The following WWC1 variants were observed in gnomAD, a reference collection of about 807,000 sequenced individuals.
The protein encoded by WWC1 is WW and C2 domain containing 1, also known as protein KIBRA.
In WWC1, 55 loss-of-function variants were observed where a neutral mutation model predicts 138.4. The ratio of observed to expected loss-of-function variants is 0.40; its 90% CI spans 0.32 to 0.50. The LOEUF is 0.50. Among genes scored for constraint, WWC1 ranks in the 20% least tolerant of loss-of-function variants. WWC1 has a pLI of 0.72. For synonymous variants in WWC1, 524 were observed against 564.9 expected, an observed-to-expected ratio of 0.93 and a Z score of 1.03; for missense variants, 1,226 against 1,420.4, an observed-to-expected ratio of 0.86 and a Z score of 2.20.
At chr5:168,435,850 T>C (rs1782308720) in intron 15 of WWC1, among the ~76,000 whole-genome samples, 1 of 151,262 alleles carries the variant, frequency 6.6e-6, no homozygotes, top group East Asian at 1.9e-4. Context: ...CTTTCTTTTT[T>C]CTTTTTTTTT....
chr5:168,297,511 G>A (rs1258884671), intron 1 of WWC1, among the ~76,000 whole-genome samples: 3 of 151,738 alleles, frequency 2.0e-5, no homozygotes, highest in South Asian at 2.1e-4. Flanking sequence ...CTGTAATCCC[G>A]GCTACTCGGG....
chr5:168,456,229 A>C (rs892797896), intron 19 of WWC1, among the ~76,000 whole-genome samples: 1 of 152,192 alleles, frequency 6.6e-6, no homozygotes, highest in African/African-American at 2.4e-5. Context: ...GCTTGAGCCC[A>C]GGAGTCCAAC....
chr5:168,465,194 TTTG>T (rs1196477601), intron 21 of WWC1, among the ~76,000 whole-genome samples: 8 of 152,230 alleles, frequency 5.3e-5, no homozygotes, highest in Non-Finnish European at 1.0e-4. Flanking sequence ...ATTTACTGCA[TTTG>T]TTGTTGTGAT....
At chr5:168,409,808 G>C in intron 7 of WWC1, 114 bp from the exon 8 acceptor site, 3 of 1,038,118 alleles carry the variant, frequency 2.9e-6, no homozygotes, top group Non-Finnish European at 4.5e-6. Flanking sequence ...GTCACCGGGG[G>C]CTATTCTTGG....
At chr5:168,392,259 A>G (rs1778565678) in intron 3 of WWC1, among the ~76,000 whole-genome samples, 1 of 152,146 alleles carries the variant, frequency 6.6e-6, no homozygotes, top group Non-Finnish European at 1.5e-5. Context: ...GGTGCCCAGA[A>G]CAGTGCCAGG....
intron 1 of WWC1, among the ~76,000 whole-genome samples, chr5:168,352,735 G>A (rs1019903462): frequency 8.6e-5 from 13 of 151,864 alleles, no homozygotes; most frequent in Middle Eastern, 3.4e-3. Context: ...AGATGCCCAC[G>A]ACCTTGCCCA....
intron 1 of WWC1, among the ~76,000 whole-genome samples, chr5:168,316,312 T>C (rs2152753627): frequency 6.6e-6 from 1 of 152,310 alleles, no homozygotes; most frequent in South Asian, 2.1e-4. Context: ...AAGGACATTG[T>C]CCATCACCTG....
In WWC1 at chr5:168,459,932, G is replaced by C. The variant is rs111404302; in HGVS notation, c.2824-718G>C. Reference sequence around the variant, plus strand: ...TACCCACTCTCCCTTGCGCTCCTTAGGGGTGGGACACATTCTCAATATAGA... The same window carrying C: ...TACCCACTCTCCCTTGCGCTCCTTACGGGTGGGACACATTCTCAATATAGA... On this transcript the variant is annotated intron_variant, in intron 19 of 22. Transcript: ENST00000265293. Among the ~76,000 whole-genome samples the C allele has an allele frequency of 7.0e-4, 107 of 152,186 alleles. 1 individual carries two copies. Among genetic ancestry groups the C allele is most frequent in the African/African-American group, 2.4e-3 (98 of 41,524 alleles).
At chr5:168,350,707 C>T (rs1037244744) in intron 1 of WWC1, among the ~76,000 whole-genome samples, 2 of 152,216 alleles carry the variant, frequency 1.3e-5, no homozygotes, top group African/African-American at 4.8e-5. Context: ...TTCATTCATT[C>T]TTCTGCTCAA....
chr5:168,346,701 C>A (rs916969947), intron 1 of WWC1, among the ~76,000 whole-genome samples: 1 of 152,208 alleles, frequency 6.6e-6, no homozygotes, highest in Non-Finnish European at 1.5e-5. Context: ...AAGCCGGGAC[C>A]TCCCAGGGCC....
At chr5:168,415,726 G>A (rs369689113) in intron 9 of WWC1, 3 of 132,728 alleles carry the variant, frequency 2.3e-5, no homozygotes, top group East Asian at 2.4e-4. Flanking sequence ...TTTGGCAGGA[G>A]CCTTTATTCA....
chr5:168,403,379 G>A (rs957106173), intron 5 of WWC1, among the ~76,000 whole-genome samples: 12 of 152,230 alleles, frequency 7.9e-5, no homozygotes, highest in African/African-American at 1.9e-4. Flanking sequence ...TTACAGGTGT[G>A]AGCCACCGTG....
chr5:168,439,159 A>G (rs1253022861), intron 15 of WWC1, among the ~76,000 whole-genome samples: 1 of 152,140 alleles, frequency 6.6e-6, no homozygotes, highest in South Asian at 2.1e-4. Context: ...AGCATATTAT[A>G]TATTCTTTTC....
chr5:168,447,504 A>G (rs772376888), intron 17 of WWC1, among the ~76,000 whole-genome samples: 34 of 152,138 alleles, frequency 2.2e-4, no homozygotes, highest in Non-Finnish European at 3.8e-4. Context: ...TTTGCATTTT[A>G]TATAATTTGC....
chr5:168,368,154 G>A (rs1341313371), intron 1 of WWC1, among the ~76,000 whole-genome samples: 2 of 144,324 alleles, frequency 1.4e-5, no homozygotes, highest in Non-Finnish European at 3.0e-5. Flanking sequence ...GCAACGGCAC[G>A]ATCTCGGCTC....
At chr5:168,385,493 C>A in intron 3 of WWC1, 79 bp downstream of exon 3, 1 of 1,428,522 alleles carries the variant, frequency 7.0e-7, no homozygotes, top group Non-Finnish European at 9.5e-7. Flanking sequence ...TATTGCTTCT[C>A]AAGTCTGCCC....
At chr5:168,355,015 T>C (rs1775283619) in intron 1 of WWC1, among the ~76,000 whole-genome samples, 1 of 152,138 alleles carries the variant, frequency 6.6e-6, no homozygotes, top group African/African-American at 2.4e-5. Flanking sequence ...TCAGCAGATA[T>C]TAGGGAGCCT....
At position 168,347,751 on chromosome 5, in the gene WWC1, C is replaced by T. The variant is rs559503148; in HGVS notation, c.120-23673C>T. ...CTCTTTTCTTTTACAGAGTCATTGT[C>T]GAGCAAGGTCAGTCCAAAAAAAAAA... On this transcript the variant is annotated intron_variant, in intron 1 of 22. Coordinates refer to ENST00000265293, the MANE Select transcript of WWC1 (RefSeq NM_015238.3). Among the ~76,000 whole-genome samples, 26 of 152,010 alleles carry T rather than the reference C, an allele frequency of 1.7e-4. 1 individual carries two copies. The South Asian group carries it at 3.3e-3, about 19-fold the overall frequency.
chr5:168,465,865 C>T (rs62384158), intron 21 of WWC1, among the ~76,000 whole-genome samples: 1,854 of 152,214 alleles, frequency 0.012, 13 homozygotes, highest in South Asian at 0.019. Flanking sequence ...GCTTGCACTG[C>T]GCTTTGACAG....
Sources: allele counts gnomAD v4.1 joint callset (sites outside exome capture counted in the v4.1 genomes callset), GRCh38; gene constraint gnomAD v4.1.1; transcripts MANE v1.5; gene names NCBI Gene and HGNC (gene_info 2026-07-23, HGNC 2026-07-21).